Variants in TRAPPC9 observed in about 807,000 individuals in gnomAD.
TRAPPC9 encodes the protein trafficking protein particle complex subunit 9, also known as IKK2 binding protein.
In TRAPPC9, 83 loss-of-function variants were observed where a neutral mutation model predicts 124.0. The observed-to-expected ratio is 0.67, with a 90% CI of 0.56 to 0.80. The LOEUF (loss-of-function observed/expected upper bound fraction) is 0.80. Ranked by LOEUF, TRAPPC9 falls within the 30% of genes least tolerant of loss-of-function variation. TRAPPC9 has a pLI of 0.00. For missense variants in TRAPPC9, 1,302 were observed against 1,508.3 expected (o/e 0.86, Z 2.27); for synonymous variants, 638 against 617.5 (o/e 1.03, Z -0.49).
At chr8:139,793,389 G>A (rs1329796855) in intron 21 of TRAPPC9, among the ~76,000 whole-genome samples, 1 of 152,150 alleles carries the variant, frequency 6.6e-6, no homozygotes, top group African/African-American at 2.4e-5. Flanking sequence ...CACTCATCAG[G>A]GGACTCCTGT....
chr8:140,297,272 A>G (rs978650164), intron 11 of TRAPPC9, among the ~76,000 whole-genome samples: 1 of 152,228 alleles, frequency 6.6e-6, no homozygotes, highest in Non-Finnish European at 1.5e-5. Context: ...TTTCAGAATC[A>G]ATAGACTAAA....
intron 8 of TRAPPC9, among the ~76,000 whole-genome samples, chr8:140,368,382 G>C (rs1290760302): frequency 1.3e-5 from 2 of 152,190 alleles, no homozygotes; most frequent in Non-Finnish European, 2.9e-5. Flanking sequence ...TGAGTGGACA[G>C]CATGACAGGC....
At chr8:139,800,934 GGCACCTTCCCTCCATCCGGTACCT>G (rs1563823751) in intron 21 of TRAPPC9, among the ~76,000 whole-genome samples, 2 of 131,544 alleles carry the variant, frequency 1.5e-5, no homozygotes, top group Admixed American at 7.7e-5. Flanking sequence ...CCCTCCCTCC[GGCACCTTCCCTCCATCCGGTACCT>G]GTACCTTCCC....
chr8:139,820,964 A>T (rs528438940), intron 21 of TRAPPC9, among the ~76,000 whole-genome samples: 1 of 152,364 alleles, frequency 6.6e-6, no homozygotes, highest in South Asian at 2.1e-4. Context: ...TCCTAAGAAG[A>T]TATACTGGAT....
At chr8:140,272,176 G>A (rs1300901838) in intron 15 of TRAPPC9, among the ~76,000 whole-genome samples, 1 of 142,338 alleles carries the variant, frequency 7.0e-6, no homozygotes, top group Non-Finnish European at 1.6e-5. Flanking sequence ...TGGTTATAGT[G>A]GTGGTGGTTA....
chr8:140,457,607 C>T, intron 1 of TRAPPC9, 32 bp downstream of exon 1: 1 of 985,746 alleles, frequency 1.0e-6, no homozygotes, highest in Non-Finnish European at 1.2e-6. Context: ...GTCCGAATTG[C>T]CTGACCGGGA....
At chr8:140,144,688 T>C (rs1366093759) in intron 17 of TRAPPC9, among the ~76,000 whole-genome samples, 2 of 152,220 alleles carry the variant, frequency 1.3e-5, no homozygotes, top group East Asian at 3.9e-4. Context: ...GGTTTCACCA[T>C]GTTGGTCAGG....
At chr8:139,803,299 G>A (rs868707536) in intron 21 of TRAPPC9, among the ~76,000 whole-genome samples, 2 of 152,252 alleles carry the variant, frequency 1.3e-5, no homozygotes, top group Non-Finnish European at 2.9e-5. Flanking sequence ...GGCAACGTCC[G>A]TTGGAAACTC....
chr8:139,943,630 T>C (rs905086560), intron 19 of TRAPPC9, among the ~76,000 whole-genome samples: 3 of 152,144 alleles, frequency 2.0e-5, no homozygotes, highest in African/African-American at 7.2e-5. Flanking sequence ...TTTTAAGTTA[T>C]TAAAACTATA....
chr8:140,212,778 C>G (rs1266394587), intron 17 of TRAPPC9, among the ~76,000 whole-genome samples: 1 of 151,988 alleles, frequency 6.6e-6, no homozygotes, highest in Non-Finnish European at 1.5e-5. Context: ...TTTCTTTTGT[C>G]TTTTTTAAGA....
chr8:139,966,516 C>T (rs915093549), intron 19 of TRAPPC9, among the ~76,000 whole-genome samples: 7 of 152,214 alleles, frequency 4.6e-5, no homozygotes, highest in South Asian at 2.1e-4. Context: ...CTACTGTGCA[C>T]GCATTGCTTC....
chr8:140,311,431 G>A, intron 9 of TRAPPC9, 57 bp from the exon 10 acceptor site: 4 of 1,599,950 alleles, frequency 2.5e-6, no homozygotes, highest in Non-Finnish European at 3.4e-6. Context: ...AAAGTGGCTG[G>A]CTTTCATTTT....
At chr8:140,351,316 A>G (rs1554673085) in intron 9 of TRAPPC9, among the ~76,000 whole-genome samples, 1 of 151,340 alleles carries the variant, frequency 6.6e-6, no homozygotes, top group Non-Finnish European at 1.5e-5. Context: ...CATGGATTCA[A>G]CCAACCGAGG....
chr8:140,272,397 C>T (rs573474021), intron 15 of TRAPPC9, among the ~76,000 whole-genome samples: 11 of 123,148 alleles, frequency 8.9e-5, no homozygotes, highest in South Asian at 2.7e-4. Flanking sequence ...GTGATGGTGG[C>T]GATGGTGATA....
chr8:140,216,632 G>A lies in TRAPPC9; in HGVS notation c.2556+4827C>T, dbSNP rs547872719. 5.3e-5 allele frequency among the ~76,000 whole-genome samples: 8 copies of A among 152,232 alleles called. No individual in the cohort carries two copies. Among genetic ancestry groups the A allele is most frequent in the East Asian group, 1.9e-4 (1 of 5,176 alleles). ...GGCCTGTCTCCTCTCAGCCCTCTCC[G>A]TGCTCCCGTGCTCAGGACAGCAGGC... On this transcript the variant is annotated intron_variant, in intron 17 of 22. Transcript: ENST00000438773. The surrounding 1 kb of genome is among the most constrained non-coding windows in gnomAD (Gnocchi z 4.1).
At chr8:140,378,963 A>C (rs1180215769) in intron 7 of TRAPPC9, among the ~76,000 whole-genome samples, 1 of 152,252 alleles carries the variant, frequency 6.6e-6, no homozygotes, top group African/African-American at 2.4e-5. Flanking sequence ...GGGGATTTTT[A>C]TCTCTTAATC....
At chr8:140,399,968 G>C (rs1296366115) in intron 6 of TRAPPC9, among the ~76,000 whole-genome samples, 1 of 152,168 alleles carries the variant, frequency 6.6e-6, no homozygotes, top group African/African-American at 2.4e-5. Context: ...CTGTTCTTGT[G>C]GTAGTGAATA....
At chr8:140,382,848 G>A (rs1333868095) in intron 7 of TRAPPC9, among the ~76,000 whole-genome samples, 3 of 152,158 alleles carry the variant, frequency 2.0e-5, no homozygotes, top group Non-Finnish European at 4.4e-5. Context: ...TCTGAGAACG[G>A]ACAGACTACC....
At chr8:140,076,784 CA>C (rs1304002993) in intron 17 of TRAPPC9, among the ~76,000 whole-genome samples, 3 of 152,180 alleles carry the variant, frequency 2.0e-5, no homozygotes, top group African/African-American at 7.2e-5. Context: ...TATCATGCGC[CA>C]GTTAAAATTT....
Sources: allele counts gnomAD v4.1 joint callset (sites outside exome capture counted in the v4.1 genomes callset), GRCh38; gene constraint gnomAD v4.1.1; non-coding constraint Gnocchi (gnomAD v3.1); transcripts MANE v1.5; gene names NCBI Gene and HGNC (gene_info 2026-07-23, HGNC 2026-07-21).